RBM39: variants seen among roughly 807,000 people sequenced by gnomAD.
The protein encoded by RBM39 is RNA-binding protein 39.
In RBM39, 12 loss-of-function variants were observed where a neutral mutation model predicts 79.6. The observed-to-expected ratio is 0.15, with a 90% CI of 0.10 to 0.24. The LOEUF is 0.24. Ranked by LOEUF, RBM39 falls within the 10% of genes least tolerant of loss-of-function variation. The pLI is 1.00. For synonymous variants in RBM39, 185 were observed against 208.4 expected (o/e 0.89, Z 0.97); for missense variants, 243 against 653.4 (o/e 0.37, Z 6.85).
At chr20:35,717,350 G>A (rs576453345) in intron 9 of RBM39, among the ~76,000 whole-genome samples, 72 of 151,096 alleles carry the variant, frequency 4.8e-4, no homozygotes, top group African/African-American at 1.6e-3. Context: ...TATGCACTGG[G>A]GAGCAGAGGG....
intron 3 of RBM39, among the ~76,000 whole-genome samples, chr20:35,737,848 C>CCAAAAA (rs1468925578): frequency 1.3e-3 from 52 of 40,436 alleles, no homozygotes; most frequent in African/African-American, 4.0e-3. Context: ...GACTCCGTGT[C>CCAAAAA]AAAAAAAAAA....
chr20:35,717,022 G>A (rs1014664617), intron 9 of RBM39, among the ~76,000 whole-genome samples: 1 of 152,038 alleles, frequency 6.6e-6, no homozygotes, highest in Non-Finnish European at 1.5e-5. Context: ...GTCGGCGCCT[G>A]TAATCCCAGC....
At position 35,707,150 on chromosome 20, in the gene RBM39, A is replaced by C; in HGVS notation, c.1277T>G (p.Phe426Cys). 1 of 1,607,840 alleles carries C rather than the reference A, an allele frequency of 6.2e-7. No homozygotes were observed. ...AGGGTTAAACATGTTAGAGAGTTGG[A>C]AACATTGTGTTGCAAGTGGCTGAAC... The part of the protein sequence containing the change: ...ASVQPLATQC[F>C]QLSNMFNPQT... The change falls in exon 14 of 17, where the codon TTC becomes TGC. Residue 426 changes from phenylalanine (F) to cysteine (C), a missense_variant. Around this residue, in one of 4 missense-constraint regions of RBM39, gnomAD observed 48 missense variants for 130.2 expected, o/e 0.37. Coordinates refer to ENST00000253363, the MANE Select transcript of RBM39 (RefSeq NM_184234.3).
At chr20:35,728,325 C>T (rs1372987441) in intron 6 of RBM39, among the ~76,000 whole-genome samples, 1 of 152,178 alleles carries the variant, frequency 6.6e-6, no homozygotes, top group Non-Finnish European at 1.5e-5. Context: ...CACAAAGAAA[C>T]ATTTAACACG....
chr20:35,721,599 G>T, intron 9 of RBM39, 141 bp downstream of exon 9: 2 of 902,234 alleles, frequency 2.2e-6, no homozygotes, highest in Non-Finnish European at 1.6e-6. Context: ...AATCTATGTT[G>T]TCACAGAAAT....
chr20:35,736,670 G>C (rs570492119), intron 3 of RBM39: 117 of 449,560 alleles, frequency 2.6e-4, no homozygotes, highest in African/African-American at 2.2e-3. Context: ...ATGTTTGTTT[G>C]AGACGGAGTC....
chr20:35,705,389 C>A, intron 14 of RBM39, 59 bp from the exon 15 acceptor site: 1 of 920,624 alleles, frequency 1.1e-6, no homozygotes, highest in African/African-American at 1.8e-5. Flanking sequence ...TATATATTTA[C>A]AAATGTATCA....
chr20:35,724,730 G>C lies in RBM39; in HGVS notation c.535-8C>G, dbSNP rs1600525377. The C allele has an allele frequency of 6.2e-7, 1 of 1,613,180 alleles. No individual in the cohort carries two copies. The highest frequency in any genetic ancestry group is 1.3e-5 in the African/African-American group (1 of 75,012). On this transcript the variant is annotated splice_polypyrimidine_tract_variant and splice_region_variant and intron_variant, in intron 7 of 16. Coordinates refer to ENST00000253363, the MANE Select transcript of RBM39 (RefSeq NM_184234.3). ...CATCCTCACATCTCGAACCTAGAAA[G>C]AAAACACAGTTGTTTGTGCAAACAT...
At position 35,717,863 on chromosome 20, in the gene RBM39, C is replaced by CTTT. The variant is rs56755932; in HGVS notation, c.826-1061_826-1059dup. Among the ~76,000 whole-genome samples, 39 of 146,836 alleles carry CTTT rather than the reference C, an allele frequency of 2.7e-4. 1 individual carries two copies. In the East Asian group the frequency reaches 4.8e-3, roughly 18 times the overall value. The stretch of plus-strand genomic sequence containing the variant: ...GACTCTGTCTCAAACAAGAAAGGAA[C>CTTT]TTTTTTTTTTTTTGAGACGGAGTCT... On this transcript the variant is annotated intron_variant, in intron 9 of 16. Coordinates refer to ENST00000253363, the MANE Select transcript of RBM39 (RefSeq NM_184234.3).
At chr20:35,736,386 T>G in intron 3 of RBM39, 1 of 292,300 alleles carries the variant, frequency 3.4e-6, no homozygotes. Flanking sequence ...TTTCTACAAA[T>G]TATATCATTT....
chr20:35,709,180 C>G, intron 13 of RBM39, 44 bp downstream of exon 13: 2 of 1,517,586 alleles, frequency 1.3e-6, no homozygotes, highest in Non-Finnish European at 1.8e-6. Context: ...ACATTTAATT[C>G]TATTTCAAAG....
intron 10 of RBM39, among the ~76,000 whole-genome samples, chr20:35,714,964 A>T (rs567142101): frequency 6.6e-6 from 1 of 152,314 alleles, no homozygotes; most frequent in East Asian, 1.9e-4. Flanking sequence ...TAAAAAAATA[A>T]AATTGGTGAG....
At chr20:35,738,893 C>A in intron 3 of RBM39, 75 bp downstream of exon 3, 3 of 1,301,258 alleles carry the variant, frequency 2.3e-6, no homozygotes, top group Non-Finnish European at 3.3e-6. Context: ...ATACTTTAGC[C>A]ACAGGAACAC....
chr20:35,721,684 G>A, intron 9 of RBM39, 56 bp downstream of exon 9: 1 of 1,545,896 alleles, frequency 6.5e-7, no homozygotes, highest in Non-Finnish European at 8.8e-7. Context: ...CAGAAATTAT[G>A]TAGTTATACT....
At chr20:35,733,557 C>A (rs1456976294) in intron 3 of RBM39, among the ~76,000 whole-genome samples, 2 of 151,292 alleles carry the variant, frequency 1.3e-5, no homozygotes, top group African/African-American at 2.4e-5. Context: ...TGGAGTGAGC[C>A]GAAATCATGC....
At chr20:35,709,164 C>G in intron 13 of RBM39, 60 bp downstream of exon 13, 1 of 1,432,154 alleles carries the variant, frequency 7.0e-7, no homozygotes, top group South Asian at 1.2e-5. Flanking sequence ...AGAAAACTGT[C>G]TTACTACATT....
At chr20:35,723,858 T>C (rs781084399) in intron 8 of RBM39, among the ~76,000 whole-genome samples, 16 of 152,156 alleles carry the variant, frequency 1.1e-4, no homozygotes, top group African/African-American at 3.4e-4. Context: ...CTGAGCAACA[T>C]GGCAAGACCC....
rs1370355959 is a variant in RBM39 at position 35,703,039 on chromosome 20, G to A, written c.*1442C>T. ...AAGCCTGTAAAACTTGTGCTTCAAT[G>A]CTAACAAAAAAAAAAGTTGAACAAA... On this transcript the variant is annotated 3_prime_UTR_variant, in exon 17 of 17. Coordinates refer to ENST00000253363, the MANE Select transcript of RBM39 (RefSeq NM_184234.3). The A allele has an allele frequency of 3.3e-5, 5 of 151,890 alleles. No individual in the cohort carries two copies. The highest frequency in any genetic ancestry group is 5.9e-5 in the Non-Finnish European group (4 of 67,946). The allele number at this position is 151,890 out of a possible 1,614,324, so 9.4% of individuals were successfully genotyped here.
chr20:35,729,939 T>C (rs956109467), intron 4 of RBM39, among the ~76,000 whole-genome samples: 2 of 152,134 alleles, frequency 1.3e-5, no homozygotes, highest in Admixed American at 1.3e-4. Flanking sequence ...TTGGTGTGTA[T>C]CTTTGCAGAT....
Sources: gnomAD v4.1 joint callset for allele counts (sites outside exome capture counted in the v4.1 genomes callset) on GRCh38, gnomAD v4.1.1 for gene constraint, gnomAD v4.1.1 regional missense constraint, MANE v1.5 for transcripts, NCBI Gene and HGNC (gene_info 2026-07-23, HGNC 2026-07-21) for gene names.